The following ADCY2 variants were observed in gnomAD, a reference collection of about 807,000 sequenced individuals.
The protein encoded by ADCY2 is adenylate cyclase 2.
In ADCY2, 31 loss-of-function variants were observed where a neutral mutation model predicts 125.2. That is an observed-to-expected ratio of 0.25 (90% confidence interval 0.19 to 0.33). The LOEUF (loss-of-function observed/expected upper bound fraction) is 0.33, where lower values mean the gene tolerates loss of function less well. ADCY2 is among the 10% of genes least tolerant of loss of function. The pLI is 1.00. For missense variants in ADCY2, 904 were observed against 1,418.2 expected (o/e 0.64, Z 5.82); for synonymous variants, 512 against 548.4 (o/e 0.93, Z 0.93).
At chr5:7,413,754 A>T (rs181529436) in intron 1 of ADCY2, among the ~76,000 whole-genome samples, 11 of 152,336 alleles carry the variant, frequency 7.2e-5, no homozygotes, top group African/African-American at 2.6e-4. Flanking sequence ...GCCTAAGCCC[A>T]GGCTTGTGTA....
intron 15 of ADCY2, among the ~76,000 whole-genome samples, chr5:7,745,116 A>G (rs1256312344): frequency 6.6e-6 from 1 of 152,220 alleles, no homozygotes; most frequent in African/African-American, 2.4e-5. Flanking sequence ...ACTGCTAGCA[A>G]CAACATCAGG....
chr5:7,635,551 A>T (rs1738469892), intron 4 of ADCY2, among the ~76,000 whole-genome samples: 1 of 152,188 alleles, frequency 6.6e-6, no homozygotes, highest in South Asian at 2.1e-4. Flanking sequence ...AAGGTACAGT[A>T]GAAATCCAGA....
chr5:7,489,555 T>C (rs1743080680), intron 2 of ADCY2, among the ~76,000 whole-genome samples: 1 of 152,214 alleles, frequency 6.6e-6, no homozygotes, highest in African/African-American at 2.4e-5. Flanking sequence ...AGAGTTCCCC[T>C]GCACGAGCTC....
intron 9 of ADCY2, among the ~76,000 whole-genome samples, chr5:7,708,720 T>C (rs1231692965): frequency 1.3e-5 from 2 of 152,098 alleles, no homozygotes; most frequent in African/African-American, 4.8e-5. Context: ...TTCAACTAGC[T>C]TGATGATCGA....
At chr5:7,679,920 C>A (rs1250061252) in intron 4 of ADCY2, among the ~76,000 whole-genome samples, 1 of 151,968 alleles carries the variant, frequency 6.6e-6, no homozygotes, top group Non-Finnish European at 1.5e-5. Context: ...CCTTAGTGCT[C>A]GGTATAGCCA....
chr5:7,406,494 G>A (rs1739494600), intron 1 of ADCY2, among the ~76,000 whole-genome samples: 2 of 152,180 alleles, frequency 1.3e-5, no homozygotes, highest in Non-Finnish European at 1.5e-5. Context: ...ACCTGGGCAG[G>A]CAGGGTGAGG....
chr5:7,581,994 T>C (rs956244979), intron 3 of ADCY2, among the ~76,000 whole-genome samples: 2 of 152,072 alleles, frequency 1.3e-5, no homozygotes, highest in African/African-American at 4.8e-5. Context: ...ATTTTCAAAA[T>C]AGGTAAAAAG....
intron 4 of ADCY2, among the ~76,000 whole-genome samples, chr5:7,687,385 A>G (rs1280336925): frequency 6.6e-6 from 1 of 152,202 alleles, no homozygotes; most frequent in African/African-American, 2.4e-5. Context: ...AGAATATAGG[A>G]GGAGGAGAGA....
chr5:7,411,963 T>G (rs1161062857), intron 1 of ADCY2, among the ~76,000 whole-genome samples: 1 of 151,540 alleles, frequency 6.6e-6, no homozygotes, highest in East Asian at 1.9e-4. Context: ...TAGTCCCAGC[T>G]ACTTGGGAGG....
chr5:7,493,916 A>G (rs1261758839), intron 2 of ADCY2, among the ~76,000 whole-genome samples: 2 of 152,152 alleles, frequency 1.3e-5, no homozygotes, highest in Non-Finnish European at 2.9e-5. Flanking sequence ...GCTCAGGTCC[A>G]TAAACCCAGC....
chr5:7,493,528 T>G (rs1286067735), intron 2 of ADCY2, among the ~76,000 whole-genome samples: 1 of 152,124 alleles, frequency 6.6e-6, no homozygotes, highest in Non-Finnish European at 1.5e-5. Flanking sequence ...TTGCTGGAAC[T>G]CTGTTGTTTA....
chr5:7,748,471 G>T (rs1742699536), intron 15 of ADCY2, among the ~76,000 whole-genome samples: 1 of 150,812 alleles, frequency 6.6e-6, no homozygotes, highest in Non-Finnish European at 1.5e-5. Flanking sequence ...CCACTTAAGT[G>T]AGTTTTTATT....
chr5:7,671,376 AAAAC>A (rs1739928891), intron 4 of ADCY2, among the ~76,000 whole-genome samples: 1 of 152,222 alleles, frequency 6.6e-6, no homozygotes, highest in East Asian at 1.9e-4. Flanking sequence ...ATTCAGTAAA[AAAAC>A]AAACATATTC....
At chr5:7,715,733 G>A (rs568391985) in intron 11 of ADCY2, among the ~76,000 whole-genome samples, 2 of 152,142 alleles carry the variant, frequency 1.3e-5, no homozygotes, top group Admixed American at 6.5e-5. Context: ...GACAGGGCCC[G>A]AAGGCACAAA....
At chr5:7,735,175 A>T (rs1252021077) in intron 14 of ADCY2, among the ~76,000 whole-genome samples, 1 of 152,188 alleles carries the variant, frequency 6.6e-6, no homozygotes, top group Non-Finnish European at 1.5e-5. Context: ...AATACTGAAG[A>T]GCCTGAAGTT....
chr5:7,573,681 G>T, intron 3 of ADCY2, among the ~76,000 whole-genome samples: 1 of 149,152 alleles, frequency 6.7e-6, no homozygotes, highest in African/African-American at 2.5e-5. Context: ...CAGCGTGGAA[G>T]GGGTCCCGAG....
intron 3 of ADCY2, among the ~76,000 whole-genome samples, chr5:7,553,142 A>G (rs1735390589): frequency 6.6e-6 from 1 of 152,218 alleles, no homozygotes; most frequent in Admixed American, 6.5e-5. Flanking sequence ...TGGCCACAGA[A>G]CCATTTAAGT....
At position 7,827,179 on chromosome 5, in the gene ADCY2, G is replaced by C. The variant is rs528137634; in HGVS notation, c.*308G>C. On this transcript the variant is annotated 3_prime_UTR_variant, in exon 25 of 25. Transcript: ENST00000338316. ...ACACATTCTTAAGGCAATAAAACTA[G>C]GGGGTGTATATTATCTTCTGGTGCA... 1 of 286,122 alleles carries C rather than the reference G, an allele frequency of 3.5e-6. No homozygotes were observed. The highest frequency in any genetic ancestry group is 6.5e-6 in the Non-Finnish European group (1 of 153,120). The allele number at this position is 286,122 out of a possible 1,614,324, so 17.7% of individuals were successfully genotyped here.
At chr5:7,624,401 A>G (rs187403036) in intron 3 of ADCY2, among the ~76,000 whole-genome samples, 90 of 152,290 alleles carry the variant, frequency 5.9e-4, no homozygotes, top group African/African-American at 2.1e-3. Flanking sequence ...CCCTACAGCC[A>G]TCTGTCCCCA....
Sources: allele counts gnomAD v4.1 joint callset (sites outside exome capture counted in the v4.1 genomes callset), GRCh38; gene constraint gnomAD v4.1.1; transcripts MANE v1.5; gene names NCBI Gene and HGNC (gene_info 2026-07-23, HGNC 2026-07-21).